SLC27A6: variants seen among roughly 807,000 people sequenced by gnomAD.
SLC27A6 encodes the protein long-chain fatty acid transport protein 6.
A neutral mutation model predicts 63.9 loss-of-function variants in SLC27A6; 74 were observed. The ratio of observed to expected loss-of-function variants is 1.16; its 90% CI spans 0.96 to 1.40. The LOEUF is 1.40. SLC27A6 is among the 40% of genes most tolerant of loss of function. The pLI, the probability that SLC27A6 is intolerant of heterozygous loss-of-function variation, is 0.00. For missense variants in SLC27A6, 794 were observed against 732.9 expected (o/e 1.08, Z -0.96); for synonymous variants, 287 against 260.8 (o/e 1.10, Z -0.97).
chr5:128,981,655 T>C (rs914753290), intron 1 of SLC27A6, among the ~76,000 whole-genome samples: 2 of 152,146 alleles, frequency 1.3e-5, no homozygotes, highest in African/African-American at 4.8e-5. Flanking sequence ...TTTGAGATGC[T>C]TATAATTCTA....
intron 6 of SLC27A6, among the ~76,000 whole-genome samples, chr5:129,024,057 G>T (rs190497782): frequency 1.3e-5 from 2 of 152,072 alleles, no homozygotes; most frequent in African/African-American, 4.8e-5. Flanking sequence ...GTGAAACCAT[G>T]GATATGGAGG....
In SLC27A6 at chr5:129,015,957, T is replaced by C; in HGVS notation, c.1042T>C (p.Phe348Leu). The C allele has an allele frequency of 6.2e-7, 1 of 1,609,174 alleles. No homozygotes were observed. The highest frequency in any genetic ancestry group is 8.5e-7 in the Non-Finnish European group (1 of 1,178,090). The change falls in exon 5 of 10, where the codon TTT becomes CTT. Residue 348 changes from phenylalanine (F) to leucine (L), a missense_variant. Transcript: ENST00000262462. ...NGIRSDVWREFLDRFGNIKVC... is the reference protein window; with the variant it reads ...NGIRSDVWRELLDRFGNIKVC... ...CATACGGAGTGATGTATGGAGAGAA[T>C]TTTTAGACAGATTTGGAAATATAAA...
At chr5:129,020,980 C>A (rs1011108133) in intron 5 of SLC27A6, among the ~76,000 whole-genome samples, 3 of 151,658 alleles carry the variant, frequency 2.0e-5, no homozygotes, top group African/African-American at 7.3e-5. Flanking sequence ...CGAACTGGTG[C>A]CAAATGGGGA....
chr5:129,005,652 G>A (rs1273399870), intron 4 of SLC27A6, among the ~76,000 whole-genome samples: 1 of 121,674 alleles, frequency 8.2e-6, no homozygotes, highest in Non-Finnish European at 1.6e-5. Context: ...TCGCTCTGTC[G>A]CTCAGGCTGG....
Position 129,028,359 on chromosome 5 carries a change from A to G in SLC27A6, c.1469A>G (p.Asn490Ser), listed in dbSNP as rs779388543. The change falls in exon 8 of 10, where the codon AAT (asparagine) becomes AGT (serine). Residue 490 changes from asparagine (N) to serine (S), a missense_variant. Coordinates refer to ENST00000262462, the MANE Select transcript of SLC27A6 (RefSeq NM_001017372.3). ...TGDTFRWKGENVATTEVADVI... is the reference protein window; with the variant it reads ...TGDTFRWKGESVATTEVADVI... ...TTTTCATTTAGATGGAAAGGAGAAA[A>G]TGTCGCAACCACTGAGGTTGCTGAT... 1.8e-5 allele frequency: 29 copies of G among 1,608,888 alleles called. 1 individual carries two copies. The South Asian group carries it at 3.1e-4, about 17-fold the overall frequency.
chr5:128,978,994 A>G (rs1220455907), intron 1 of SLC27A6, among the ~76,000 whole-genome samples: 1 of 152,130 alleles, frequency 6.6e-6, no homozygotes, highest in East Asian at 1.9e-4. Flanking sequence ...CATACAGCCT[A>G]GGTGTGTAGT....
At chr5:129,011,395 A>C (rs2150147590) in intron 4 of SLC27A6, among the ~76,000 whole-genome samples, 1 of 152,308 alleles carries the variant, frequency 6.6e-6, no homozygotes, top group African/African-American at 2.4e-5. Context: ...TAGTTCTCTG[A>C]TGATGAATGA....
intron 1 of SLC27A6, among the ~76,000 whole-genome samples, chr5:128,981,818 T>TTTTCTTTTCTTTTC (rs1337468063): frequency 1.5e-5 from 2 of 129,484 alleles, no homozygotes; most frequent in African/African-American, 6.3e-5. Context: ...TTTTCTTTTC[T>TTTTCTTTTCTTTTC]TTTTTTTTTT....
chr5:128,985,475 T>A, intron 2 of SLC27A6, 139 bp downstream of exon 2: 1 of 658,148 alleles, frequency 1.5e-6, no homozygotes, highest in East Asian at 2.7e-5. Context: ...TCTCAGAGGC[T>A]AGAACTTTCC....
At chr5:128,970,438 C>T (rs539602450) in intron 1 of SLC27A6, among the ~76,000 whole-genome samples, 165 of 152,230 alleles carry the variant, frequency 1.1e-3, no homozygotes, top group African/African-American at 3.6e-3. Flanking sequence ...ATTTCAGAGC[C>T]TGTTATTGGT....
In SLC27A6 at chr5:129,015,905, T is replaced by G; in HGVS notation, c.990T>G (p.His330Gln). ...AACAGAGAGAAGGAGAAAAGGATCA[T>G]AAGGTGCGTTTGGCAATTGGAAATG... ...KQSKREGEKD[H>Q]KVRLAIGNGI... is the part of the protein sequence containing the mutation. The change falls in exon 5 of 10, where the codon CAT becomes CAG. Residue 330 changes from histidine to glutamine, a missense_variant. By Grantham distance (24) the His-to-Gln change is conservative. Coordinates refer to ENST00000262462, the MANE Select transcript of SLC27A6 (RefSeq NM_001017372.3). 1 of 1,595,000 alleles carries G rather than the reference T, an allele frequency of 6.3e-7. No homozygotes were observed. Among genetic ancestry groups the G allele is most frequent in the Non-Finnish European group, 8.5e-7 (1 of 1,173,410 alleles).
At chr5:129,011,670 G>T (rs1165978602) in intron 4 of SLC27A6, among the ~76,000 whole-genome samples, 1 of 152,190 alleles carries the variant, frequency 6.6e-6, no homozygotes, top group Non-Finnish European at 1.5e-5. Context: ...GAATGCAGAG[G>T]TGGGCCTAGG....
chr5:129,015,770 C>A, intron 4 of SLC27A6, 115 bp from the exon 5 acceptor site: 2 of 699,782 alleles, frequency 2.9e-6, no homozygotes, highest in South Asian at 2.0e-5. Context: ...ATTTTAACTT[C>A]CCTTCTGTTA....
At chr5:128,987,744 G>A (rs1349499588) in intron 2 of SLC27A6, among the ~76,000 whole-genome samples, 1 of 151,978 alleles carries the variant, frequency 6.6e-6, no homozygotes, top group Admixed American at 6.6e-5. Flanking sequence ...TGTCCAGGAG[G>A]GCTGATCTTC....
chr5:129,008,184 G>A (rs1469794793), intron 4 of SLC27A6, among the ~76,000 whole-genome samples: 1 of 151,998 alleles, frequency 6.6e-6, no homozygotes, highest in Non-Finnish European at 1.5e-5. Flanking sequence ...ATCAATTGAT[G>A]TTTCCTCATA....
At chr5:128,993,479 GCT>G (rs2150138132) in intron 4 of SLC27A6, among the ~76,000 whole-genome samples, 1 of 152,080 alleles carries the variant, frequency 6.6e-6, no homozygotes, top group African/African-American at 2.4e-5. Context: ...ATATTAATGT[GCT>G]CTGTTAAGAT....
At chr5:128,973,107 C>T (rs982815304) in intron 1 of SLC27A6, among the ~76,000 whole-genome samples, 1 of 152,196 alleles carries the variant, frequency 6.6e-6, no homozygotes, top group Non-Finnish European at 1.5e-5. Flanking sequence ...GGCTGCAGAA[C>T]AGCAAATGTT....
intron 4 of SLC27A6, among the ~76,000 whole-genome samples, chr5:128,991,381 C>A (rs1045030526): frequency 6.6e-6 from 1 of 152,040 alleles, no homozygotes; most frequent in Non-Finnish European, 1.5e-5. Context: ...TACAAAGATG[C>A]GTGCAATACC....
intron 5 of SLC27A6, among the ~76,000 whole-genome samples, chr5:129,017,408 A>G (rs750593127): frequency 3.9e-5 from 6 of 152,158 alleles, no homozygotes; most frequent in Non-Finnish European, 8.8e-5. Context: ...AAAATGTTAC[A>G]TTAAAAAACT....
Sources: allele counts gnomAD v4.1 joint callset (sites outside exome capture counted in the v4.1 genomes callset), GRCh38; gene constraint gnomAD v4.1.1; transcripts MANE v1.5; gene names NCBI Gene and HGNC (gene_info 2026-07-23, HGNC 2026-07-21).